Variants in RBPMS observed in about 807,000 individuals in gnomAD.
RBPMS encodes the protein RNA binding protein, mRNA processing factor.
A neutral mutation model predicts 26.8 loss-of-function variants in RBPMS; 7 were observed. The observed-to-expected ratio is 0.26, with a 90% CI of 0.15 to 0.49. RBPMS has a LOEUF of 0.49. Among genes scored for constraint, RBPMS ranks in the 20% least tolerant of loss-of-function variants. RBPMS has a pLI of 0.98. For synonymous variants in RBPMS, 96 were observed against 93.3 expected (o/e 1.03, Z -0.17); for missense variants, 186 against 250.0 (o/e 0.74, Z 1.73).
chr8:30,530,636 AT>A (rs1442276008), intron 5 of RBPMS, among the ~76,000 whole-genome samples: 2 of 151,762 alleles, frequency 1.3e-5, no homozygotes, highest in African/African-American at 2.4e-5. Context: ...CTAATTTTGT[AT>A]TTTTAGTAGA....
intron 1 of RBPMS, among the ~76,000 whole-genome samples, chr8:30,429,527 C>T (rs1279645428): frequency 6.6e-6 from 1 of 152,096 alleles, no homozygotes; most frequent in Non-Finnish European, 1.5e-5. Flanking sequence ...ATATACATGC[C>T]CCCAAATTTT....
chr8:30,418,664 C>T (rs773406560), intron 1 of RBPMS, among the ~76,000 whole-genome samples: 4 of 152,036 alleles, frequency 2.6e-5, no homozygotes, highest in Non-Finnish European at 5.9e-5. Context: ...CTGCAACCTC[C>T]GTCTCCTGGG....
intron 4 of RBPMS, among the ~76,000 whole-genome samples, chr8:30,494,209 TCA>T: frequency 6.6e-6 from 1 of 152,346 alleles, no homozygotes; most frequent in East Asian, 1.9e-4. Context: ...CTACACAGCA[TCA>T]GACTGGACAG....
intron 5 of RBPMS, among the ~76,000 whole-genome samples, chr8:30,519,075 G>C (rs915297799): frequency 6.6e-6 from 1 of 152,078 alleles, no homozygotes; most frequent in African/African-American, 2.4e-5. Flanking sequence ...AAACATCTTA[G>C]GACTCCTGTC....
chr8:30,512,546 C>A (rs1312495009), intron 5 of RBPMS, among the ~76,000 whole-genome samples: 1 of 152,026 alleles, frequency 6.6e-6, no homozygotes, highest in Non-Finnish European at 1.5e-5. Context: ...GTGGTGCAAT[C>A]ATAGTCATAT....
intron 6 of RBPMS, among the ~76,000 whole-genome samples, chr8:30,546,610 T>C (rs560635557): frequency 6.6e-6 from 1 of 152,352 alleles, no homozygotes; most frequent in African/African-American, 2.4e-5. Flanking sequence ...TCCTTGATCT[T>C]GAGACTTTCC....
chr8:30,490,408 T>A, intron 4 of RBPMS, among the ~76,000 whole-genome samples: 1 of 152,182 alleles, frequency 6.6e-6, no homozygotes. Context: ...TTGATTATAA[T>A]GTTTCTTTAG....
At chr8:30,544,647 GACTTCACTC>G (rs1349559081) in intron 6 of RBPMS, 23 bp downstream of exon 6, 6 of 1,613,068 alleles carry the variant, frequency 3.7e-6, no homozygotes, top group Middle Eastern at 1.6e-4. Flanking sequence ...CATCGGCCAG[GACTTCACTC>G]ACTTCACCAC....
chr8:30,551,278 A>T (rs755748043), intron 6 of RBPMS, among the ~76,000 whole-genome samples: 1 of 152,190 alleles, frequency 6.6e-6, no homozygotes, highest in African/African-American at 2.4e-5. Context: ...TTTTGTCCAG[A>T]ACTGCTGCTG....
intron 5 of RBPMS, among the ~76,000 whole-genome samples, chr8:30,539,390 C>T (rs1219088359): frequency 6.6e-6 from 1 of 152,074 alleles, no homozygotes; most frequent in Admixed American, 6.5e-5. Context: ...GAAGGGACCC[C>T]AAACTATGAG....
At chr8:30,542,141 C>CTAAT (rs1409244220) in intron 5 of RBPMS, among the ~76,000 whole-genome samples, 1 of 152,198 alleles carries the variant, frequency 6.6e-6, no homozygotes, top group Non-Finnish European at 1.5e-5. Context: ...TTCTGCCTCA[C>CTAAT]TAATACGTTA....
At chr8:30,426,822 G>A (rs1811408357) in intron 1 of RBPMS, among the ~76,000 whole-genome samples, 1 of 152,034 alleles carries the variant, frequency 6.6e-6, no homozygotes, top group Non-Finnish European at 1.5e-5. Flanking sequence ...GTCTGGTGAA[G>A]CCTGTGGGCA....
chr8:30,559,165 GA>G (rs796372755), intron 7 of RBPMS, among the ~76,000 whole-genome samples: 7 of 152,282 alleles, frequency 4.6e-5, no homozygotes, highest in African/African-American at 1.7e-4. Context: ...TAGTCTATTT[GA>G]GTCTAACTTA....
intron 1 of RBPMS, among the ~76,000 whole-genome samples, chr8:30,431,876 T>C (rs948172094): frequency 1.3e-5 from 2 of 152,076 alleles, no homozygotes. Context: ...ATCCCAGTAC[T>C]TTGGGAGGCC....
intron 1 of RBPMS, among the ~76,000 whole-genome samples, chr8:30,427,399 C>G (rs1383581180): frequency 1.3e-5 from 2 of 152,222 alleles, no homozygotes; most frequent in East Asian, 1.9e-4. Flanking sequence ...TACTGCCACA[C>G]TGAATTCCCT....
chr8:30,384,978 C>A lies in RBPMS; in HGVS notation c.-115C>A. 1 of 681,034 alleles carries A rather than the reference C, an allele frequency of 1.5e-6. No homozygotes were observed. Among genetic ancestry groups the A allele is most frequent in the Non-Finnish European group, 2.2e-6 (1 of 463,488 alleles). The allele number at this position is 681,034 out of a possible 1,614,324, so 42.2% of individuals were successfully genotyped here. ...CGGCTCCAGCTCCAGCCCCACAGCC[C>A]GCGGCGCCCGCCCGAGGGAGCCCCG... On this transcript the variant is annotated 5_prime_UTR_variant, in exon 1 of 9. Coordinates refer to ENST00000397323, the MANE Select transcript of RBPMS (RefSeq NM_001008710.3). The surrounding 1 kb of genome is among the most constrained non-coding windows in gnomAD (Gnocchi z 5.6).
At chr8:30,497,507 C>T (rs976316651) in intron 4 of RBPMS, among the ~76,000 whole-genome samples, 1 of 152,184 alleles carries the variant, frequency 6.6e-6, no homozygotes, top group Non-Finnish European at 1.5e-5. Flanking sequence ...AATCATGCCA[C>T]TGCACTCCAG....
chr8:30,440,926 C>T (rs1372983161), intron 1 of RBPMS, among the ~76,000 whole-genome samples: 1 of 151,932 alleles, frequency 6.6e-6, no homozygotes, highest in Non-Finnish European at 1.5e-5. Context: ...CCCAAAGTAG[C>T]TGACTGGCTA....
chr8:30,409,032 C>T (rs1262472197), intron 1 of RBPMS, among the ~76,000 whole-genome samples: 2 of 152,008 alleles, frequency 1.3e-5, no homozygotes, highest in African/African-American at 4.8e-5. Context: ...GGTACCTTTC[C>T]CATTGTTTGA....
Sources: allele counts gnomAD v4.1 joint callset (sites outside exome capture counted in the v4.1 genomes callset), GRCh38; gene constraint gnomAD v4.1.1; non-coding constraint Gnocchi (gnomAD v3.1); transcripts MANE v1.5; gene names NCBI Gene and HGNC (gene_info 2026-07-23, HGNC 2026-07-21).